Variants in DPP10 observed in about 807,000 individuals in gnomAD.
DPP10 encodes the protein dipeptidyl peptidase like 10.
In DPP10, 33 loss-of-function variants were observed where a neutral mutation model predicts 120.9. The observed-to-expected ratio is 0.27, with a 90% CI of 0.21 to 0.37. The LOEUF is 0.37. Ranked by LOEUF, DPP10 falls within the 10% of genes least tolerant of loss-of-function variation. The pLI, the probability that DPP10 is intolerant of heterozygous loss-of-function variation, is 1.00. For missense variants in DPP10, 816 were observed against 942.8 expected, an observed-to-expected ratio of 0.87 and a Z score of 1.76; for synonymous variants, 337 against 326.1, an observed-to-expected ratio of 1.03 and a Z score of -0.36.
chr2:114,497,633 C>A lies in DPP10; in HGVS notation c.60+54795C>A, dbSNP rs988022500. 2.0e-5 allele frequency among the ~76,000 whole-genome samples: 3 copies of A among 152,082 alleles called. No individual in the cohort carries two copies. The South Asian group carries it at 6.2e-4, about 31-fold the overall frequency. Reference sequence around the variant, plus strand: ...AATAATTCTCATTTAATAATCCCAACAGCCTTGTTAGAGAAGTGGGATAAT... The same window carrying A: ...AATAATTCTCATTTAATAATCCCAAAAGCCTTGTTAGAGAAGTGGGATAAT... On this transcript the variant is annotated intron_variant, in intron 1 of 25. Coordinates refer to ENST00000410059, the MANE Select transcript of DPP10 (RefSeq NM_020868.6).
chr2:114,823,260 T>G (rs1181475043), intron 1 of DPP10, among the ~76,000 whole-genome samples: 1 of 151,736 alleles, frequency 6.6e-6, no homozygotes, highest in African/African-American at 2.4e-5. Context: ...AGAGAATGAG[T>G]GCCAAACAAA....
intron 13 of DPP10, among the ~76,000 whole-genome samples, chr2:115,775,140 T>G (rs948855826): frequency 6.6e-6 from 1 of 152,064 alleles, no homozygotes; most frequent in African/African-American, 2.4e-5. Flanking sequence ...TGCAATAATT[T>G]TATATGCATA....
At chr2:115,670,323 A>G (rs2089769812) in intron 5 of DPP10, among the ~76,000 whole-genome samples, 2 of 152,116 alleles carry the variant, frequency 1.3e-5, no homozygotes, top group East Asian at 3.8e-4. Flanking sequence ...AAAAATGACT[A>G]TTGTATTCAA....
At chr2:114,663,660 T>TAGAGAGAG (rs1485631969) in intron 1 of DPP10, among the ~76,000 whole-genome samples, 79 of 91,492 alleles carry the variant, frequency 8.6e-4, no homozygotes, top group African/African-American at 2.6e-3. Context: ...TATATATATA[T>TAGAGAGAG]ATATATATAG....
intron 1 of DPP10, among the ~76,000 whole-genome samples, chr2:114,961,572 CT>C (rs1558927312): frequency 6.6e-6 from 1 of 151,754 alleles, no homozygotes; most frequent in Admixed American, 6.6e-5. Flanking sequence ...GTGATTGTAC[CT>C]TTGTGTTTGT....
chr2:115,825,944 T>A (rs888798170), intron 21 of DPP10, among the ~76,000 whole-genome samples: 2 of 152,140 alleles, frequency 1.3e-5, no homozygotes, highest in Non-Finnish European at 2.9e-5. Context: ...AAGAAAGAAG[T>A]AACAAAAAAT....
intron 21 of DPP10, among the ~76,000 whole-genome samples, chr2:115,832,858 A>T (rs1295668736): frequency 6.6e-6 from 1 of 151,976 alleles, no homozygotes; most frequent in Non-Finnish European, 1.5e-5. Flanking sequence ...GACTAAGAAG[A>T]TGTTTCCGGT....
At chr2:114,610,201 G>A (rs534492594) in intron 1 of DPP10, among the ~76,000 whole-genome samples, 1 of 152,240 alleles carries the variant, frequency 6.6e-6, no homozygotes, top group Non-Finnish European at 1.5e-5. Flanking sequence ...ACAGGCGTAT[G>A]TTTTGTTTTG....
chr2:115,407,180 G>A (rs1452999599), intron 3 of DPP10, among the ~76,000 whole-genome samples: 5 of 152,282 alleles, frequency 3.3e-5, no homozygotes, highest in East Asian at 1.9e-4. Context: ...TCTGCAGTGC[G>A]CAGGTGGGCA....
chr2:115,573,483 C>T (rs556531327), intron 5 of DPP10, among the ~76,000 whole-genome samples: 1 of 151,352 alleles, frequency 6.6e-6, no homozygotes, highest in African/African-American at 2.4e-5. Context: ...GGGGTTTCAC[C>T]GTGTTAGCCA....
At chr2:115,750,213 C>T (rs1344335649) in intron 10 of DPP10, 1 of 984,884 alleles carries the variant, frequency 1.0e-6, no homozygotes, top group East Asian at 1.1e-4. Flanking sequence ...CTTCCCTACT[C>T]CCTCATTCAG....
At chr2:114,721,384 G>A (rs907683902) in intron 1 of DPP10, among the ~76,000 whole-genome samples, 2 of 152,176 alleles carry the variant, frequency 1.3e-5, no homozygotes, top group Admixed American at 1.3e-4. Flanking sequence ...TTGGAGTGAC[G>A]TCAATTTTAA....
At chr2:115,467,722 T>A (rs1280626749) in intron 3 of DPP10, among the ~76,000 whole-genome samples, 1 of 152,176 alleles carries the variant, frequency 6.6e-6, no homozygotes, top group Non-Finnish European at 1.5e-5. Context: ...ATCTGAAAAA[T>A]TATTATTAGA....
At chr2:115,307,108 C>T (rs1362728156) in intron 1 of DPP10, among the ~76,000 whole-genome samples, 1 of 152,038 alleles carries the variant, frequency 6.6e-6, no homozygotes, top group Non-Finnish European at 1.5e-5. Flanking sequence ...ATCCCGTTTT[C>T]TTATCTGCAA....
Position 115,666,575 on chromosome 2 carries a change from A to G in DPP10, c.442-23112A>G, listed in dbSNP as rs529758889. On this transcript the variant is annotated intron_variant, in intron 5 of 25. Transcript: ENST00000410059. Reference sequence around the variant, plus strand: ...CCTCCAGCTATATCCATGATGCTGCAAAGGACATAATCTCATTCTATTTTA... The same window carrying G: ...CCTCCAGCTATATCCATGATGCTGCGAAGGACATAATCTCATTCTATTTTA... Among the ~76,000 whole-genome samples the G allele has an allele frequency of 5.3e-5, 8 of 152,284 alleles. No homozygotes were observed. In the South Asian group the frequency reaches 1.7e-3, roughly 32 times the overall value.
At chr2:115,188,567 G>A (rs2105207606) in intron 1 of DPP10, among the ~76,000 whole-genome samples, 1 of 152,182 alleles carries the variant, frequency 6.6e-6, no homozygotes, top group Admixed American at 6.5e-5. Flanking sequence ...TAAACGAAAT[G>A]TTTTCTAACC....
intron 4 of DPP10, among the ~76,000 whole-genome samples, chr2:115,518,549 A>G (rs1048663916): frequency 1.3e-5 from 2 of 152,042 alleles, no homozygotes; most frequent in Non-Finnish European, 2.9e-5. Context: ...TTCTTTTTGT[A>G]AATATGGGAA....
intron 3 of DPP10, among the ~76,000 whole-genome samples, chr2:115,495,169 A>C (rs187738313): frequency 5.3e-5 from 8 of 152,172 alleles, no homozygotes; most frequent in Admixed American, 6.5e-5. Flanking sequence ...ATAGGGTTGG[A>C]AATCTAGGTT....
chr2:115,312,493 C>G (rs975912603), intron 2 of DPP10, among the ~76,000 whole-genome samples: 2 of 152,070 alleles, frequency 1.3e-5, no homozygotes, highest in African/African-American at 4.8e-5. Context: ...AGTCTTGCCT[C>G]TCTCATCAGA....
Sources: gnomAD v4.1 joint callset for allele counts (sites outside exome capture counted in the v4.1 genomes callset) on GRCh38, gnomAD v4.1.1 for gene constraint, MANE v1.5 for transcripts, NCBI Gene and HGNC (gene_info 2026-07-23, HGNC 2026-07-21) for gene names.